CREB3: variants seen among roughly 807,000 people sequenced by gnomAD.
CREB3 encodes cAMP responsive element binding protein 3.
A neutral mutation model predicts 34.5 loss-of-function variants in CREB3; 29 were observed. The observed-to-expected ratio is 0.84, with a 90% confidence interval of 0.63 to 1.15. The LOEUF is 1.15. Ranked by LOEUF, CREB3 falls within the 50% of genes most tolerant of loss-of-function variation. CREB3 has a pLI of 0.00. For missense variants in CREB3, 447 were observed against 443.4 expected (o/e 1.01, Z -0.07); for synonymous variants, 187 against 173.9 (o/e 1.08, Z -0.59).
At position 35,733,520 on chromosome 9, in the gene CREB3, G is replaced by A. The variant is rs751753880; in HGVS notation, c.435+35G>A. ...TCATTGGTTGAACAAAGGCTGAAAAGGGATTAAAAGTCCCAAGTAGGCAAA... is the reference window on the plus strand; with the variant it reads ...TCATTGGTTGAACAAAGGCTGAAAAAGGATTAAAAGTCCCAAGTAGGCAAA... On this transcript the variant is annotated intron_variant, in intron 4 of 8. Transcript: ENST00000353704. 4.7e-6 allele frequency: 7 copies of A among 1,504,012 alleles called. No individual in the cohort carries two copies. In the Admixed American group the frequency reaches 6.9e-5, roughly 15 times the overall value. 93.2% of individuals were successfully genotyped at this position (1,504,012 alleles called of 1,614,324 possible).
chr9:35,736,761 T>G lies in CREB3; in HGVS notation c.*35T>G. 2 of 1,542,448 alleles carry G rather than the reference T, an allele frequency of 1.3e-6. No individual in the cohort carries two copies. Among genetic ancestry groups the G allele is most frequent in the Non-Finnish European group, 1.8e-6 (2 of 1,137,108 alleles). ...TATGTGGGGGGTCTCAGCAGGAGCC[T>G]GGGGGGCTCCCCATCTGTGTCCAAA... is the stretch of plus-strand genomic sequence containing the variant. On this transcript the variant is annotated 3_prime_UTR_variant, in exon 9 of 9. Coordinates refer to ENST00000353704, the MANE Select transcript of CREB3 (RefSeq NM_006368.5).
rs764760186 is a variant in CREB3 at position 35,733,111 on chromosome 9, C to G, written c.245C>G (p.Ser82Cys). Residue 82 changes from serine (S) to cysteine (C), a missense_variant, in exon 2 of 9, where the codon TCC (serine) becomes TGC (cysteine). Ser to Cys is a moderately radical substitution (Grantham distance 112). Transcript: ENST00000353704. Reference protein sequence around the residue: ...PCLVHHDHTYSLPRETVSMDL... With the variant: ...PCLVHHDHTYCLPRETVSMDL... ...CTTGTCCACCATGACCACACCTACT[C>G]CCTCCCACGGGAAACTGTCTCTATG... is the stretch of plus-strand genomic sequence containing the variant. The G allele has an allele frequency of 1.9e-6, 3 of 1,614,210 alleles. No homozygotes were observed. Among genetic ancestry groups the G allele is most frequent in the South Asian group, 1.1e-5 (1 of 91,084 alleles).
At position 35,733,632 on chromosome 9, in the gene CREB3, T is replaced by C. The variant is rs180752194; in HGVS notation, c.435+147T>C. ...ATTGCTAATAGGAAGTTGAGGCAGG[T>C]ACACAATATGCCAGATGCAAGGGCA... On this transcript the variant is annotated intron_variant, in intron 4 of 8. Coordinates refer to ENST00000353704, the MANE Select transcript of CREB3 (RefSeq NM_006368.5). The C allele has an allele frequency of 3.9e-4, 249 of 632,072 alleles. 2 individuals are homozygous for C. The African/African-American group carries it at 4.1e-3, about 10-fold the overall frequency. 39.2% of individuals were successfully genotyped at this position (632,072 alleles called of 1,614,324 possible). A position where few individuals can be genotyped will look rare whatever the true frequency, so the allele number is the denominator to read the frequency against.
Position 35,736,844 on chromosome 9 carries a change from G to C in CREB3, c.*118G>C, listed in dbSNP as rs962421374. ...CCTGTGCCCTGTCAGGACGACTGAG[G>C]GCTCAAACACACCACACTTAATGGC... On this transcript the variant is annotated 3_prime_UTR_variant, in exon 9 of 9. Transcript: ENST00000353704. 2.8e-5 allele frequency: 27 copies of C among 952,154 alleles called. No individual in the cohort carries two copies. The highest frequency in any genetic ancestry group is 4.1e-5 in the Non-Finnish European group (26 of 634,300). The allele number at this position is 952,154 out of a possible 1,614,324, so 59.0% of individuals were successfully genotyped here.
intron 4 of CREB3, among the ~76,000 whole-genome samples, chr9:35,734,574 G>C (rs1343819895): frequency 6.6e-6 from 1 of 152,144 alleles, no homozygotes; most frequent in East Asian, 1.9e-4. Flanking sequence ...GGAGGCAGCT[G>C]TTGGTTCAGG....
At chr9:35,733,987 AT>A (rs979119562) in intron 4 of CREB3, among the ~76,000 whole-genome samples, 5 of 152,050 alleles carry the variant, frequency 3.3e-5, no homozygotes, top group Non-Finnish European at 5.9e-5. Context: ...ATATATATAT[AT>A]TTTTTGACAA....
Position 35,736,292 on chromosome 9 carries a change from C to T in CREB3, c.762C>T (p.Ser254=), listed in dbSNP as rs1443035359. Residue 254 remains serine, a synonymous_variant, in exon 8 of 9, where the codon AGC becomes AGT. Coordinates refer to ENST00000353704, the MANE Select transcript of CREB3 (RefSeq NM_006368.5). ...TGTACTCCTCTGACACAAGGGGGAG[C>T]CTGCCAGCTGAGCATGGAGGTAAGA... ...PAMYSSDTRG[S]LPAEHGVLSR... The T allele has an allele frequency of 6.2e-7, 1 of 1,614,088 alleles. No homozygotes were observed. The highest frequency in any genetic ancestry group is 8.5e-7 in the Non-Finnish European group (1 of 1,179,994).
At position 35,735,338 on chromosome 9, in the gene CREB3, T is replaced by C; in HGVS notation, c.575T>C (p.Leu192Pro). The C allele has an allele frequency of 6.2e-7, 1 of 1,614,148 alleles. No homozygotes were observed. The highest frequency in any genetic ancestry group is 8.5e-7 in the Non-Finnish European group (1 of 1,180,000). The stretch of plus-strand genomic sequence containing the variant: ...AAATACACAGCCCAGAATATGGAGC[T>C]TCAGAACAAAGTACAGCTTCTGGAG... ...VLKYTAQNME[L>P]QNKVQLLEEQ... The change falls in exon 6 of 9, where the codon CTT (leucine) becomes CCT (proline). Residue 192 changes from leucine to proline, a missense_variant. Leu to Pro is a moderately conservative substitution (Grantham distance 98, BLOSUM62 -3). Transcript: ENST00000353704.
rs369507393 is a variant in CREB3 at position 35,733,386 on chromosome 9, G to A, written c.346-10G>A. ...CCATGCAACTGCCGTCCACTTTCTTGTTACCCTAGGAGATTGCTAGGCTAG... is the reference window on the plus strand; with the variant it reads ...CCATGCAACTGCCGTCCACTTTCTTATTACCCTAGGAGATTGCTAGGCTAG... On this transcript the variant is annotated splice_polypyrimidine_tract_variant and intron_variant, in intron 3 of 8. Transcript: ENST00000353704. 70 of 1,612,946 alleles carry A rather than the reference G, an allele frequency of 4.3e-5. No individual in the cohort carries two copies. The African/African-American group carries it at 8.8e-4, about 20-fold the overall frequency.
Position 35,733,450 on chromosome 9 carries a change from G to A in CREB3, c.400G>A (p.Gly134Arg), listed in dbSNP as rs781573974. 6.2e-7 allele frequency: 1 copy of A among 1,613,546 alleles called. No individual in the cohort carries two copies. The highest frequency in any genetic ancestry group is 8.5e-7 in the Non-Finnish European group (1 of 1,179,540). The change falls in exon 4 of 9, where the codon GGG becomes AGG. Residue 134 changes from glycine (G) to arginine (R), a missense_variant. By Grantham distance (125) the Gly-to-Arg change is moderately radical (BLOSUM62 -2). Coordinates refer to ENST00000353704, the MANE Select transcript of CREB3 (RefSeq NM_006368.5). ...DEEKSLLEKE[G>R]LILPETLPLT... The stretch of plus-strand genomic sequence containing the variant: ...GGAGAAGAGTCTATTGGAGAAGGAG[G>A]GGCTTATTCTGCCTGAGACACTTCC...
chr9:35,732,851 C>G lies in CREB3; in HGVS notation c.79C>G (p.Pro27Ala). 6.2e-7 allele frequency: 1 copy of G among 1,614,234 alleles called. No homozygotes were observed. Among genetic ancestry groups the G allele is most frequent in the Non-Finnish European group, 8.5e-7 (1 of 1,180,042 alleles). Residue 27 changes from proline to alanine, a missense_variant, in exon 1 of 9, where the codon CCC becomes GCC. Coordinates refer to ENST00000353704, the MANE Select transcript of CREB3 (RefSeq NM_006368.5). The surrounding 1 kb of genome is among the most constrained non-coding windows in gnomAD (Gnocchi z 5.1). ...GGAAAGTGGAGATTTGGGGACGGCACCCGATGAGGCCGTGAGGGCCCCACT... is the reference window on the plus strand; with the variant it reads ...GGAAAGTGGAGATTTGGGGACGGCAGCCGATGAGGCCGTGAGGGCCCCACT... Reference protein sequence around the residue: ...LEESGDLGTAPDEAVRAPLDW... With the variant: ...LEESGDLGTAADEAVRAPLDW...
chr9:35,734,885 G>A (rs997601515), intron 4 of CREB3, among the ~76,000 whole-genome samples: 1 of 152,134 alleles, frequency 6.6e-6, no homozygotes, highest in Non-Finnish European at 1.5e-5. Context: ...GAGCCACGTC[G>A]CCTGAATACT....
In CREB3 at chr9:35,733,123, A is replaced by G. The variant is rs1355980233; in HGVS notation, c.257A>G (p.Glu86Gly). 3 of 1,614,092 alleles carry G rather than the reference A, an allele frequency of 1.9e-6. No individual in the cohort carries two copies. The highest frequency in any genetic ancestry group is 2.5e-6 in the Non-Finnish European group (3 of 1,180,040). The change falls in exon 2 of 9, where the codon GAA (glutamate) becomes GGA (glycine). Residue 86 changes from glutamate to glycine, a missense_variant. By Grantham distance (98) the Glu-to-Gly change is moderately conservative. Coordinates refer to ENST00000353704, the MANE Select transcript of CREB3 (RefSeq NM_006368.5). ...HHDHTYSLPRETVSMDLESES... is the reference protein window; with the variant it reads ...HHDHTYSLPRGTVSMDLESES... ...GACCACACCTACTCCCTCCCACGGG[A>G]AACTGTCTCTATGGATCTAGGTGAG...
Position 35,732,957 on chromosome 9 carries a change from G to C in CREB3, c.130-39G>C, listed in dbSNP as rs1316399427. The C allele has an allele frequency of 6.2e-7, 1 of 1,613,134 alleles. No individual in the cohort carries two copies. The highest frequency in any genetic ancestry group is 1.1e-5 in the South Asian group (1 of 91,000). ...GGGATGTCCATGAAGTCAGGTGATG[G>C]TGATAAGGTCAAGGCCTGTTCATTG... On this transcript the variant is annotated intron_variant, in intron 1 of 8. Transcript: ENST00000353704. This position sits in a 1 kb window ranked among gnomAD's most constrained non-coding sequence, Gnocchi z 5.1.
At chr9:35,735,565 G>C (rs537510317) in intron 6 of CREB3, among the ~76,000 whole-genome samples, 191 bp downstream of exon 6, 1 of 152,316 alleles carries the variant, frequency 6.6e-6, no homozygotes, top group African/African-American at 2.4e-5. Flanking sequence ...AAAAAGAAAG[G>C]GGGTAAGAAA....
rs1826119720 is a variant in CREB3 at position 35,733,004 on chromosome 9, C to T, written c.138C>T (p.Ser46=). 6.2e-7 allele frequency: 1 copy of T among 1,614,092 alleles called. No individual in the cohort carries two copies. Among genetic ancestry groups the T allele is most frequent in the Non-Finnish European group, 8.5e-7 (1 of 1,179,980 alleles). The change falls in exon 2 of 9, where the codon AGC becomes AGT. Residue 46 remains serine, a synonymous_variant. Coordinates refer to ENST00000353704, the MANE Select transcript of CREB3 (RefSeq NM_006368.5). ...ATTGGAACCCTGCGCAGGTACCGAG[C>T]GACTGGGAAGTAGATGATTTGCTGT... ...DWALPLSEVP[S]DWEVDDLLCS...
In CREB3 at chr9:35,736,979, G is replaced by C; in HGVS notation, c.*253G>C. ...CGCAGTCAGGGAACAGGTGAGGAAAGAAATAAATAAGTGATTCTAATGCTG... is the reference window on the plus strand; with the variant it reads ...CGCAGTCAGGGAACAGGTGAGGAAACAAATAAATAAGTGATTCTAATGCTG... On this transcript the variant is annotated 3_prime_UTR_variant, in exon 9 of 9. Transcript: ENST00000353704. 1 of 925,382 alleles carries C rather than the reference G, an allele frequency of 1.1e-6. No individual in the cohort carries two copies. The highest frequency in any genetic ancestry group is 1.7e-5 in the South Asian group (1 of 57,232). The allele number at this position is 925,382 out of a possible 1,614,324, so 57.3% of individuals were successfully genotyped here.
intron 6 of CREB3, 31 bp downstream of exon 6, chr9:35,735,405 A>T (rs757007586): frequency 6.3e-7 from 1 of 1,575,136 alleles, no homozygotes; most frequent in East Asian, 2.2e-5. Context: ...TTCCCTTCCT[A>T]TGCCCCTCAT....
At chr9:35,735,903 GGAA>G (rs1826193259) in intron 6 of CREB3, 142 bp from the exon 7 acceptor site, 2 of 653,112 alleles carry the variant, frequency 3.1e-6, no homozygotes, top group East Asian at 5.2e-5. Flanking sequence ...TGTCCAGAGA[GGAA>G]GAAGTCGTTT....
Sources: allele counts gnomAD v4.1 joint callset (sites outside exome capture counted in the v4.1 genomes callset), GRCh38; gene constraint gnomAD v4.1.1; non-coding constraint Gnocchi (gnomAD v3.1); transcripts MANE v1.5; gene names NCBI Gene and HGNC (gene_info 2026-07-23, HGNC 2026-07-21).